ZSCAN5A: variants seen among roughly 807,000 people sequenced by gnomAD.
ZSCAN5A encodes zinc finger and SCAN domain containing 5A, also known as zinc finger and SCAN domain-containing protein 5A.
In ZSCAN5A, 12 loss-of-function variants were observed where a neutral mutation model predicts 23.7. The ratio of observed to expected loss-of-function variants is 0.51; its 90% CI spans 0.32 to 0.82. The LOEUF (loss-of-function observed/expected upper bound fraction) is 0.82. Among genes scored for constraint, ZSCAN5A ranks in the 40% least tolerant of loss-of-function variants. ZSCAN5A has a pLI of 0.03. For missense variants in ZSCAN5A, 597 were observed against 617.9 expected (o/e 0.97, Z 0.36); for synonymous variants, 257 against 239.9 (o/e 1.07, Z -0.66).
rs527877789 is a variant in ZSCAN5A, at chr19:56,240,119, G to A, written c.-127-14946C>T. On this transcript the variant is annotated intron_variant, in intron 2 of 5. Transcript: ENST00000683990. Reference sequence around the variant, plus strand: ...GGAGCTTGCAGTGAGCCGAGATCACGCCACTGAACTCTAGCCTGGGGGACA... The same window carrying A: ...GGAGCTTGCAGTGAGCCGAGATCACACCACTGAACTCTAGCCTGGGGGACA... Among the ~76,000 whole-genome samples the A allele has an allele frequency of 4.0e-4, 61 of 151,578 alleles. 1 individual carries two copies. Among genetic ancestry groups the A allele is most frequent in the Middle Eastern group, 3.4e-3 (1 of 292 alleles).
chr19:56,251,163 A>G (rs951287581), intron 2 of ZSCAN5A, among the ~76,000 whole-genome samples: 1 of 151,676 alleles, frequency 6.6e-6, no homozygotes, highest in Non-Finnish European at 1.5e-5. Flanking sequence ...AAAAAAAAAA[A>G]AAAGACCACT....
chr19:56,345,930 G>A (rs919369150), intron 2 of ZSCAN5A, among the ~76,000 whole-genome samples: 2 of 152,152 alleles, frequency 1.3e-5, no homozygotes, highest in African/African-American at 2.4e-5. Context: ...TAAGAGCTGA[G>A]ATGAACTTTT....
upstream of ZSCAN5A, chr19:56,319,716 G>A: frequency 1.3e-5 from 8 of 629,642 alleles, no homozygotes; most frequent in Non-Finnish European, 1.7e-5. Context: ...AGCAAAATAT[G>A]CACAAACAAG....
chr19:56,317,925 G>A (rs988975438), upstream of ZSCAN5A: 2 of 152,196 alleles, frequency 1.3e-5, no homozygotes, highest in African/African-American at 4.8e-5. Context: ...GGCCAGGAAG[G>A]TCTCCTATTT....
intron 2 of ZSCAN5A, among the ~76,000 whole-genome samples, chr19:56,251,432 A>G (rs758636173): frequency 2.0e-5 from 3 of 152,266 alleles, no homozygotes; most frequent in Non-Finnish European, 2.9e-5. Context: ...TGCATTGAGA[A>G]GCTGTATCAG....
At chr19:56,263,786 C>A (rs975288806) in intron 2 of ZSCAN5A, 2 of 151,672 alleles carry the variant, frequency 1.3e-5, no homozygotes, top group African/African-American at 2.4e-5. Flanking sequence ...ATAAGAACCT[C>A]TGAGATGATG....
At chr19:56,291,467 T>C (rs2039505135) in intron 2 of ZSCAN5A, among the ~76,000 whole-genome samples, 1 of 152,190 alleles carries the variant, frequency 6.6e-6, no homozygotes, top group South Asian at 2.1e-4. Context: ...TTATTTCTCT[T>C]TTTTGGGAAG....
chr19:56,271,460 C>T (rs115053423), intron 2 of ZSCAN5A, among the ~76,000 whole-genome samples: 175 of 152,318 alleles, frequency 1.1e-3, no homozygotes, highest in African/African-American at 4.0e-3. Flanking sequence ...GTTTCTTCTG[C>T]TCATTATAAC....
intron 2 of ZSCAN5A, among the ~76,000 whole-genome samples, chr19:56,252,839 G>C (rs1364379999): frequency 6.6e-6 from 1 of 152,204 alleles, no homozygotes; most frequent in Admixed American, 6.5e-5. Flanking sequence ...AGTATGGAGA[G>C]GCCTGTGGTA....
chr19:56,284,250 T>C (rs1406813972), intron 2 of ZSCAN5A: 1 of 921,760 alleles, frequency 1.1e-6, no homozygotes, highest in Admixed American at 6.2e-5. Flanking sequence ...CTGTGCACTT[T>C]GGCGGGAAAT....
At chr19:56,258,861 C>A (rs912102823) in intron 2 of ZSCAN5A, among the ~76,000 whole-genome samples, 1 of 152,156 alleles carries the variant, frequency 6.6e-6, no homozygotes, top group Non-Finnish European at 1.5e-5. Flanking sequence ...CAACCTCCCC[C>A]TTAAGTGCAC....
At chr19:56,247,766 A>T (rs2036042595) in intron 2 of ZSCAN5A, among the ~76,000 whole-genome samples, 1 of 152,010 alleles carries the variant, frequency 6.6e-6, no homozygotes, top group African/African-American at 2.4e-5. Context: ...ATCTCGGCTC[A>T]CTGCCAGCTC....
chr19:56,286,644 C>T (rs549401947), intron 2 of ZSCAN5A: 4 of 152,280 alleles, frequency 2.6e-5, no homozygotes, highest in African/African-American at 9.6e-5. Context: ...TCCCGCTGTT[C>T]GGTGGAAATA....
intron 2 of ZSCAN5A, among the ~76,000 whole-genome samples, chr19:56,261,222 A>T (rs1456992905): frequency 6.6e-6 from 1 of 152,032 alleles, no homozygotes; most frequent in Non-Finnish European, 1.5e-5. Context: ...AAAAGAAAAA[A>T]ATAAAATGTA....
intron 2 of ZSCAN5A, among the ~76,000 whole-genome samples, chr19:56,260,436 A>T (rs906282015): frequency 3.3e-5 from 5 of 151,452 alleles, no homozygotes; most frequent in African/African-American, 9.7e-5. Context: ...CTGGTCTCGA[A>T]CTCTCGACCT....
intron 2 of ZSCAN5A, chr19:56,246,576 C>G (rs2035918190): frequency 1.5e-6 from 1 of 659,284 alleles, no homozygotes; most frequent in Non-Finnish European, 2.7e-6. Context: ...CTGCCAAAGC[C>G]TCTCCATCCC....
At chr19:56,223,490 A>G in intron 4 of ZSCAN5A, 141 bp downstream of exon 4, 1 of 855,758 alleles carries the variant, frequency 1.2e-6, no homozygotes, top group South Asian at 1.8e-5. Flanking sequence ...TCAGGAATGA[A>G]TGTTTGGGGA....
intron 2 of ZSCAN5A, among the ~76,000 whole-genome samples, chr19:56,312,793 G>A (rs903846962): frequency 5.9e-5 from 9 of 152,244 alleles, no homozygotes; most frequent in Middle Eastern, 3.2e-3. Flanking sequence ...CCACTCTTCA[G>A]CTGCACTTAT....
chr19:56,314,562 T>TC (rs2041249630), intron 1 of ZSCAN5A, 119 bp downstream of exon 1: 1 of 151,434 alleles, frequency 6.6e-6, no homozygotes, highest in Non-Finnish European at 1.5e-5. Context: ...CCCACGAATC[T>TC]CCCCCTCCTC....
Sources: allele counts gnomAD v4.1 joint callset (sites outside exome capture counted in the v4.1 genomes callset), GRCh38; gene constraint gnomAD v4.1.1; transcripts MANE v1.5; gene names NCBI Gene and HGNC (gene_info 2026-07-23, HGNC 2026-07-21).